Variants in DLC1 observed in about 807,000 individuals in gnomAD.
The protein encoded by DLC1 is rho GTPase-activating protein 7.
A neutral mutation model predicts 140.3 loss-of-function variants in DLC1; 54 were observed. The ratio of observed to expected loss-of-function variants is 0.38; its 90% CI spans 0.31 to 0.48. The LOEUF is 0.48. Ranked by LOEUF, DLC1 falls within the 20% of genes least tolerant of loss-of-function variation. DLC1 has a pLI of 0.96. For synonymous variants in DLC1, 986 were observed against 728.1 expected (o/e 1.35, Z -5.70); for missense variants, 2,536 against 1,907.0 (o/e 1.33, Z -6.14).
At chr8:13,143,544 C>G (rs1823177062) in intron 5 of DLC1, among the ~76,000 whole-genome samples, 1 of 151,978 alleles carries the variant, frequency 6.6e-6, no homozygotes, top group Admixed American at 6.6e-5. Context: ...CAGCCTTGTA[C>G]TCCTGGGCTC....
intron 1 of DLC1, among the ~76,000 whole-genome samples, chr8:13,551,257 T>C (rs1803839332): frequency 6.6e-6 from 1 of 152,124 alleles, no homozygotes; most frequent in African/African-American, 2.4e-5. Context: ...TTTTAGATGT[T>C]CAATCTAGCA....
At chr8:13,413,256 A>ATTTTTTTTTTTTCTTTTTTTTTTTTTTTT (rs1837876524) in intron 2 of DLC1, among the ~76,000 whole-genome samples, 1 of 82,006 alleles carries the variant, frequency 1.2e-5, no homozygotes, top group African/African-American at 5.0e-5. Context: ...TTTTTTTGCG[A>ATTTTTTTTTTTTCTTTTTTTTTTTTTTTT]TTTTTTTTTT....
intron 1 of DLC1, among the ~76,000 whole-genome samples, chr8:13,603,305 T>C (rs1017248532): frequency 4.6e-5 from 7 of 151,826 alleles, no homozygotes; most frequent in African/African-American, 1.7e-4. Context: ...CATCATTCAT[T>C]ACGAGTCTTG....
intron 1 of DLC1, among the ~76,000 whole-genome samples, chr8:13,545,151 G>C (rs1313475348): frequency 6.6e-6 from 1 of 151,914 alleles, no homozygotes; most frequent in African/African-American, 2.4e-5. Flanking sequence ...CAACATTTAT[G>C]AACAAAATAT....
intron 1 of DLC1, among the ~76,000 whole-genome samples, chr8:13,577,930 G>A (rs1244218659): frequency 6.6e-6 from 1 of 151,966 alleles, no homozygotes; most frequent in Non-Finnish European, 1.5e-5. Context: ...GTCCTTGGAT[G>A]TGCCACAGGA....
intron 2 of DLC1, among the ~76,000 whole-genome samples, chr8:13,444,067 T>A (rs1247455958): frequency 6.6e-6 from 1 of 152,186 alleles, no homozygotes; most frequent in Non-Finnish European, 1.5e-5. Context: ...CAAAAATATT[T>A]CAGAATCATA....
intron 1 of DLC1, among the ~76,000 whole-genome samples, chr8:13,527,130 G>T (rs1450815673): frequency 1.3e-5 from 2 of 152,070 alleles, no homozygotes; most frequent in Non-Finnish European, 2.9e-5. Context: ...GCTACTGATC[G>T]ATTGAGTGAC....
In DLC1 at chr8:13,245,065, CT is replaced by C. The variant is rs555375780; in HGVS notation, c.1348+60203del. Among the ~76,000 whole-genome samples the C allele has an allele frequency of 2.8e-3, 434 of 152,282 alleles. 3 individuals are homozygous for C. The highest frequency in any genetic ancestry group is 3.5e-3 in the Non-Finnish European group (241 of 68,036). The stretch of plus-strand genomic sequence containing the variant: ...CTTGCTTGTAACCAACAGAATGTAG[CT>C]GTGTGATTTCTAAGGTTAGGTCAAA... On this transcript the variant is annotated intron_variant, in intron 5 of 17. Transcript: ENST00000276297.
chr8:13,352,392 C>T (rs1834717492), intron 4 of DLC1, among the ~76,000 whole-genome samples: 1 of 152,078 alleles, frequency 6.6e-6, no homozygotes, highest in Non-Finnish European at 1.5e-5. Context: ...TGGGGTCTTT[C>T]TTTCTCTTGA....
chr8:13,331,227 T>C (rs887349063), intron 4 of DLC1, among the ~76,000 whole-genome samples: 1 of 152,214 alleles, frequency 6.6e-6, no homozygotes, highest in African/African-American at 2.4e-5. Flanking sequence ...ATTTTTGTTA[T>C]TTTGTAAGCA....
chr8:13,358,416 C>T (rs1188522508), intron 4 of DLC1, among the ~76,000 whole-genome samples: 1 of 152,204 alleles, frequency 6.6e-6, no homozygotes, highest in Non-Finnish European at 1.5e-5. Flanking sequence ...TGGCCTTTGA[C>T]TTGCATTTAG....
intron 1 of DLC1, among the ~76,000 whole-genome samples, chr8:13,599,978 C>G (rs138682511): frequency 6.6e-6 from 1 of 152,050 alleles, no homozygotes; most frequent in East Asian, 1.9e-4. Context: ...ACCACCTTCA[C>G]CATTATCAAA....
intron 1 of DLC1, among the ~76,000 whole-genome samples, chr8:13,535,228 T>C (rs1265721634): frequency 6.6e-6 from 1 of 152,152 alleles, no homozygotes; most frequent in African/African-American, 2.4e-5. Context: ...TAAATAGTCA[T>C]GTGTACATCT....
At chr8:13,529,067 G>A (rs1407890138) in intron 1 of DLC1, among the ~76,000 whole-genome samples, 1 of 152,186 alleles carries the variant, frequency 6.6e-6, no homozygotes, top group African/African-American at 2.4e-5. Flanking sequence ...TCAACGAGAA[G>A]AAGATAGAAA....
intron 5 of DLC1, among the ~76,000 whole-genome samples, chr8:13,145,325 A>G (rs1432702211): frequency 6.6e-6 from 1 of 152,224 alleles, no homozygotes; most frequent in Non-Finnish European, 1.5e-5. Flanking sequence ...AAATAAAATT[A>G]GACAAAAGAT....
intron 5 of DLC1, among the ~76,000 whole-genome samples, chr8:13,126,300 T>C (rs1821557650): frequency 6.6e-6 from 1 of 152,084 alleles, no homozygotes; most frequent in Admixed American, 6.6e-5. Context: ...CATCTTTCTG[T>C]TTCATTTCAA....
chr8:13,229,121 C>T (rs1320571871), intron 5 of DLC1, among the ~76,000 whole-genome samples: 1 of 152,152 alleles, frequency 6.6e-6, no homozygotes, highest in Non-Finnish European at 1.5e-5. Flanking sequence ...ACACAACAGT[C>T]CATACCCAAA....
chr8:13,257,351 C>T (rs1346715541), intron 5 of DLC1, among the ~76,000 whole-genome samples: 1 of 150,124 alleles, frequency 6.7e-6, no homozygotes, highest in East Asian at 2.0e-4. Context: ...TTAGGTGGAT[C>T]ACTTGAGCCC....
chr8:13,582,881 T>C (rs1481431912), intron 1 of DLC1, among the ~76,000 whole-genome samples: 141 of 24,664 alleles, frequency 5.7e-3, no homozygotes, highest in Middle Eastern at 0.019. Context: ...CTGTGGTCTA[T>C]ATATATATAT....
Sources: gnomAD v4.1 joint callset for allele counts (sites outside exome capture counted in the v4.1 genomes callset) on GRCh38, gnomAD v4.1.1 for gene constraint, MANE v1.5 for transcripts, NCBI Gene and HGNC (gene_info 2026-07-23, HGNC 2026-07-21) for gene names.